Variants in KIAA1217 observed in about 807,000 individuals in gnomAD.
The protein encoded by KIAA1217 is KIAA1217.
Under a neutral mutation model 163.9 loss-of-function variants are expected in KIAA1217, and 88 were observed. The observed-to-expected ratio is 0.54, with a 90% CI of 0.45 to 0.64. The LOEUF is 0.64. KIAA1217 is among the 30% of genes least tolerant of loss of function. KIAA1217 has a pLI of 0.00. For synonymous variants in KIAA1217, 903 were observed against 923.1 expected (o/e 0.98, Z 0.39); for missense variants, 2,372 against 2,475.0 (o/e 0.96, Z 0.88).
At chr10:23,747,004 T>C (rs558094545) in intron 1 of KIAA1217, among the ~76,000 whole-genome samples, 35 of 152,086 alleles carry the variant, frequency 2.3e-4, no homozygotes, top group African/African-American at 8.2e-4. Flanking sequence ...AGTAAAAAAC[T>C]ATAGGAGGTA....
intron 1 of KIAA1217, among the ~76,000 whole-genome samples, chr10:23,916,955 A>G (rs1160615965): frequency 1.6e-5 from 2 of 128,328 alleles, no homozygotes; most frequent in African/African-American, 3.1e-5. Flanking sequence ...TTGGTGACAG[A>G]GTGAGATTCT....
chr10:24,144,360 T>G (rs539489964), intron 2 of KIAA1217, among the ~76,000 whole-genome samples: 2 of 152,304 alleles, frequency 1.3e-5, no homozygotes, highest in South Asian at 4.1e-4. Flanking sequence ...GAGCAGATAT[T>G]GAGCAAAAAT....
chr10:24,513,531 C>G (rs2069534881), intron 10 of KIAA1217, 97 bp downstream of exon 10: 2 of 1,166,516 alleles, frequency 1.7e-6, no homozygotes, highest in Non-Finnish European at 2.5e-6. Flanking sequence ...GTCTTGCCCT[C>G]TCTTTATTGA....
chr10:23,762,931 A>T (rs1168528037), intron 1 of KIAA1217, among the ~76,000 whole-genome samples: 2 of 152,224 alleles, frequency 1.3e-5, no homozygotes, highest in African/African-American at 4.8e-5. Flanking sequence ...TCAGGATATA[A>T]AATCAATGTG....
chr10:24,362,694 G>A lies in KIAA1217; in HGVS notation c.355-18175G>A, dbSNP rs1417786088. On this transcript the variant is annotated intron_variant, in intron 2 of 20. Transcript: ENST00000376454. ...GTCAAAATTTGACTCTATGTAAAGTGACATCAGAAAGTCTCTAATTTCTGG... is the reference window on the plus strand; with the variant it reads ...GTCAAAATTTGACTCTATGTAAAGTAACATCAGAAAGTCTCTAATTTCTGG... Among the ~76,000 whole-genome samples the A allele has an allele frequency of 2.0e-5, 3 of 152,138 alleles. No homozygotes were observed. In the East Asian group the frequency reaches 5.8e-4, roughly 29 times the overall value.
chr10:24,117,281 C>T (rs534736192), intron 2 of KIAA1217, among the ~76,000 whole-genome samples: 1 of 152,280 alleles, frequency 6.6e-6, no homozygotes, highest in African/African-American at 2.4e-5. Context: ...AGGTGATCCG[C>T]CCGCCTTGGC....
At chr10:23,845,708 C>T (rs1433394364) in intron 1 of KIAA1217, among the ~76,000 whole-genome samples, 1 of 152,126 alleles carries the variant, frequency 6.6e-6, no homozygotes, top group Admixed American at 6.6e-5. Flanking sequence ...ATGATAGTTT[C>T]TTTTGCATGT....
intron 1 of KIAA1217, among the ~76,000 whole-genome samples, chr10:23,814,558 T>A (rs1837229660): frequency 6.6e-6 from 1 of 152,200 alleles, no homozygotes; most frequent in Non-Finnish European, 1.5e-5. Context: ...AAGTATTAAA[T>A]GAACAAGTTA....
At chr10:23,898,659 A>ACC (rs1841814916) in intron 1 of KIAA1217, among the ~76,000 whole-genome samples, 1 of 152,042 alleles carries the variant, frequency 6.6e-6, no homozygotes, top group East Asian at 1.9e-4. Context: ...CATATTGTTA[A>ACC]ATATATTCAT....
chr10:24,152,539 G>T (rs1714722826), intron 2 of KIAA1217, among the ~76,000 whole-genome samples: 1 of 152,068 alleles, frequency 6.6e-6, no homozygotes, highest in Non-Finnish European at 1.5e-5. Context: ...ACAGAAACAG[G>T]CAGTGGCTTT....
chr10:24,418,719 T>TA (rs2058474614), intron 3 of KIAA1217, among the ~76,000 whole-genome samples: 1 of 152,146 alleles, frequency 6.6e-6, no homozygotes, highest in Non-Finnish European at 1.5e-5. Context: ...ATAAATCTCC[T>TA]AGGGGGCAGT....
intron 6 of KIAA1217, among the ~76,000 whole-genome samples, chr10:24,490,126 A>G (rs1429695445): frequency 6.6e-6 from 1 of 152,226 alleles, no homozygotes; most frequent in East Asian, 1.9e-4. Context: ...GATCATGAGA[A>G]GACTCATTCA....
At chr10:24,229,584 C>A (rs2071080199) in intron 2 of KIAA1217, among the ~76,000 whole-genome samples, 1 of 152,174 alleles carries the variant, frequency 6.6e-6, no homozygotes, top group South Asian at 2.1e-4. Context: ...ATGGCACAAT[C>A]TCGGCTCACT....
Position 24,533,104 on chromosome 10 carries a change from C to A in KIAA1217, c.3281C>A (p.Thr1094Asn), listed in dbSNP as rs774173323. The change falls in exon 16 of 21, where the codon ACC (threonine) becomes AAC (asparagine). Residue 1094 changes from threonine to asparagine, a missense_variant. Transcript: ENST00000376454. ...GAAGATGCTGGACCAAGCCCACAGA[C>A]CAGAGCTACAAAATATCCAGCAGAG... ...SSEDAGPSPQTRATKYPAEEP... is the reference protein window; with the variant it reads ...SSEDAGPSPQNRATKYPAEEP... The A allele has an allele frequency of 6.8e-6, 11 of 1,613,624 alleles. No homozygotes were observed. Among genetic ancestry groups the A allele is most frequent in the Admixed American group, 3.3e-5 (2 of 59,974 alleles).
At chr10:23,758,688 T>TTC (rs1339608686) in intron 1 of KIAA1217, among the ~76,000 whole-genome samples, 7 of 67,260 alleles carry the variant, frequency 1.0e-4, no homozygotes, top group African/African-American at 6.2e-4. Flanking sequence ...CTTTCTTTCT[T>TTC]TTTTTTTTTT....
upstream of KIAA1217, among the ~76,000 whole-genome samples, chr10:24,208,161 A>C (rs1589910983): frequency 1.5e-5 from 2 of 135,992 alleles, no homozygotes; most frequent in South Asian, 2.3e-4. Flanking sequence ...TCCTATTTTC[A>C]CTCTCTGGGA....
intron 1 of KIAA1217, among the ~76,000 whole-genome samples, chr10:23,980,860 C>T (rs1032285942): frequency 3.3e-5 from 5 of 152,170 alleles, no homozygotes; most frequent in African/African-American, 1.2e-4. Flanking sequence ...TAGCTATCTC[C>T]TCCAATTCTC....
intron 5 of KIAA1217, among the ~76,000 whole-genome samples, chr10:24,446,714 C>G (rs1194171112): frequency 6.6e-6 from 1 of 152,204 alleles, no homozygotes; most frequent in East Asian, 1.9e-4. Context: ...GTGCCAGTCA[C>G]CATACTGAGC....
At chr10:24,052,917 C>T (rs565919020) in intron 2 of KIAA1217, among the ~76,000 whole-genome samples, 1 of 152,260 alleles carries the variant, frequency 6.6e-6, no homozygotes, top group African/African-American at 2.4e-5. Context: ...TAATACCAAC[C>T]TTCCTAGCTC....
Sources: allele counts gnomAD v4.1 joint callset (sites outside exome capture counted in the v4.1 genomes callset), GRCh38; gene constraint gnomAD v4.1.1; transcripts MANE v1.5; gene names NCBI Gene and HGNC (gene_info 2026-07-23, HGNC 2026-07-21).